The following ADAMTS15 variants were observed in gnomAD, a reference collection of about 807,000 sequenced individuals.
ADAMTS15 encodes A disintegrin and metalloproteinase with thrombospondin motifs 15.
Under a neutral mutation model 79.1 loss-of-function variants are expected in ADAMTS15, and 35 were observed. The observed-to-expected ratio is 0.44, with a 90% CI of 0.34 to 0.59. The LOEUF (loss-of-function observed/expected upper bound fraction) is 0.59. Among genes scored for constraint, ADAMTS15 ranks in the 20% least tolerant of loss-of-function variants. The pLI is 0.02. For synonymous variants in ADAMTS15, 616 were observed against 567.3 expected, an observed-to-expected ratio of 1.09 and a Z score of -1.22; for missense variants, 1,324 against 1,318.7, an observed-to-expected ratio of 1.00 and a Z score of -0.06.
At chr11:130,452,547 C>G (rs561299996) in intron 1 of ADAMTS15, among the ~76,000 whole-genome samples, 1 of 152,328 alleles carries the variant, frequency 6.6e-6, no homozygotes, top group East Asian at 1.9e-4. Flanking sequence ...GTCTTTAGGT[C>G]CAATAACGCT....
At chr11:130,467,297 A>G (rs1938321704) in intron 4 of ADAMTS15, among the ~76,000 whole-genome samples, 1 of 152,120 alleles carries the variant, frequency 6.6e-6, no homozygotes, top group Non-Finnish European at 1.5e-5. Context: ...GATGGGGACA[A>G]AACCCACAGT....
At position 130,449,350 on chromosome 11, in the gene ADAMTS15, C is replaced by A; in HGVS notation, c.377C>A (p.Ala126Asp). Residue 126 changes from alanine to aspartate, a missense_variant, in exon 1 of 8, where the codon GCC becomes GAC. Ala to Asp is a moderately radical substitution (Grantham distance 126). Coordinates refer to ENST00000299164, the MANE Select transcript of ADAMTS15 (RefSeq NM_139055.4). This position sits in a 1 kb window ranked among gnomAD's most constrained non-coding sequence, Gnocchi z 7.8. ...AGCCTGTGCGGGGGGCTCCGCGGAG[C>A]CTTTGGCTACCGAGGCGCCGAGTAT... ...AVSLCGGLRG[A>D]FGYRGAEYVI... The A allele has an allele frequency of 1.2e-6, 2 of 1,607,166 alleles. No individual in the cohort carries two copies. Among genetic ancestry groups the A allele is most frequent in the Non-Finnish European group, 8.5e-7 (1 of 1,179,986 alleles).
chr11:130,471,473 T>C lies in ADAMTS15; in HGVS notation c.2078+90T>C. ...ATTGGAAGCTTGGGTTAGACTGGGG[T>C]AAATGTCAGATCCAGCCAGTACCCT... On this transcript the variant is annotated intron_variant, in intron 7 of 7. Transcript: ENST00000299164. 2.7e-6 allele frequency: 4 copies of C among 1,458,958 alleles called. No individual in the cohort carries two copies. The South Asian group carries it at 5.4e-5, about 20-fold the overall frequency. The allele number at this position is 1,458,958 out of a possible 1,614,324, so 90.4% of individuals were successfully genotyped here.
At chr11:130,456,008 C>T (rs1457104132) in intron 1 of ADAMTS15, among the ~76,000 whole-genome samples, 2 of 152,188 alleles carry the variant, frequency 1.3e-5, no homozygotes, top group African/African-American at 2.4e-5. Flanking sequence ...TCAACCCTGC[C>T]GCTGTGCTGC....
chr11:130,468,052 A>T (rs538890087), intron 4 of ADAMTS15, among the ~76,000 whole-genome samples: 1 of 152,306 alleles, frequency 6.6e-6, no homozygotes, highest in South Asian at 2.1e-4. Context: ...GCCATGCCTT[A>T]GGGATGCCTG....
chr11:130,448,868 C>T lies in ADAMTS15; in HGVS notation c.-106C>T. ...CCTTTCTGGGAACTGCCGGCTGTCC[C>T]GTAGCGTTGGCGGTTCCAGAGTGCG... is the stretch of plus-strand genomic sequence containing the variant. On this transcript the variant is annotated 5_prime_UTR_variant, in exon 1 of 8. Coordinates refer to ENST00000299164, the MANE Select transcript of ADAMTS15 (RefSeq NM_139055.4). The T allele has an allele frequency of 1.2e-6, 1 of 851,638 alleles. No individual in the cohort carries two copies. The highest frequency in any genetic ancestry group is 1.6e-6 in the Non-Finnish European group (1 of 614,284). 52.8% of individuals were successfully genotyped at this position (851,638 alleles called of 1,614,324 possible).
chr11:130,471,034 C>T lies in ADAMTS15; in HGVS notation c.1835C>T (p.Pro612Leu), dbSNP rs1347386253. Residue 612 changes from proline to leucine, a missense_variant, in exon 6 of 8, where the codon CCC becomes CTC. Pro to Leu is a moderately conservative substitution (Grantham distance 98). Transcript: ENST00000299164. ...GTGCCCAAGTACTCCGGCGTGTCTCCCCGGGACAAGTGCAAGCTCATCTGC... is the reference window on the plus strand; with the variant it reads ...GTGCCCAAGTACTCCGGCGTGTCTCTCCGGGACAAGTGCAAGCTCATCTGC... ...AWVPKYSGVS[P>L]RDKCKLICRA... 1 of 1,613,858 alleles carries T rather than the reference C, an allele frequency of 6.2e-7. No individual in the cohort carries two copies. The highest frequency in any genetic ancestry group is 8.5e-7 in the Non-Finnish European group (1 of 1,180,030).
In ADAMTS15 at chr11:130,470,873, C is replaced by A. The variant is rs376620808; in HGVS notation, c.1721-47C>A. 6.3e-6 allele frequency: 10 copies of A among 1,583,502 alleles called. No homozygotes were observed. The Admixed American group carries it at 1.4e-4, about 22-fold the overall frequency. ...GAGGGAGGCTTGTCCTTTGCACCGG[C>A]CTTGTCCCTTCCCCTCAACTTCTTT... is the stretch of plus-strand genomic sequence containing the variant. On this transcript the variant is annotated intron_variant, in intron 5 of 7. Coordinates refer to ENST00000299164, the MANE Select transcript of ADAMTS15 (RefSeq NM_139055.4).
At chr11:130,463,185 CA>C (rs1938237578) in intron 4 of ADAMTS15, among the ~76,000 whole-genome samples, 1 of 152,226 alleles carries the variant, frequency 6.6e-6, no homozygotes, top group Non-Finnish European at 1.5e-5. Context: ...CAGTGTGTTC[CA>C]CACCCAGGGA....
chr11:130,473,137 C>T lies in ADAMTS15; in HGVS notation c.2169C>T (p.Asp723=). Residue 723 remains aspartate (D), a synonymous_variant, in exon 8 of 8, where the codon GAC becomes GAT. Coordinates refer to ENST00000299164, the MANE Select transcript of ADAMTS15 (RefSeq NM_139055.4). ...GTTACAAAGGGCTGATCGGGGATGA[C>T]AACTACCTGGCTCTGAAGAACAGCC... ...QRGYKGLIGD[D]NYLALKNSQG... is the part of the protein sequence containing the mutation. 2 of 1,614,114 alleles carry T rather than the reference C, an allele frequency of 1.2e-6. No homozygotes were observed. Among genetic ancestry groups the T allele is most frequent in the Non-Finnish European group, 1.7e-6 (2 of 1,180,040 alleles).
At chr11:130,459,560 A>G (rs904163731) in intron 1 of ADAMTS15, among the ~76,000 whole-genome samples, 1 of 152,172 alleles carries the variant, frequency 6.6e-6, no homozygotes, top group African/African-American at 2.4e-5. Flanking sequence ...ACGAAAGAAT[A>G]TGGGAAGAGA....
intron 4 of ADAMTS15, among the ~76,000 whole-genome samples, chr11:130,463,666 G>A (rs1352781432): frequency 6.6e-6 from 1 of 152,190 alleles, no homozygotes; most frequent in Non-Finnish European, 1.5e-5. Context: ...TATTTAAAAT[G>A]TTTTTCTGTG....
Position 130,469,358 on chromosome 11 carries a change from A to G in ADAMTS15, c.1639A>G (p.Thr547Ala). ...GGCCAGGAGGCAGTGCACCAACCCC[A>G]CCCCTGCCAACGGGGGCAAGTACTG... is the stretch of plus-strand genomic sequence containing the variant. ...QLARRQCTNP[T>A]PANGGKYCEG... Residue 547 changes from threonine to alanine, a missense_variant, in exon 5 of 8, where the codon ACC becomes GCC. By Grantham distance (58) the Thr-to-Ala change is moderately conservative (BLOSUM62 0). Coordinates refer to ENST00000299164, the MANE Select transcript of ADAMTS15 (RefSeq NM_139055.4). The G allele has an allele frequency of 7.4e-7, 1 of 1,355,854 alleles. No homozygotes were observed. The highest frequency in any genetic ancestry group is 9.6e-7 in the Non-Finnish European group (1 of 1,045,558). 84.0% of individuals were successfully genotyped at this position (1,355,854 alleles called of 1,614,324 possible).
chr11:130,470,770 T>G, intron 5 of ADAMTS15, 150 bp from the exon 6 acceptor site: 1 of 878,216 alleles, frequency 1.1e-6, no homozygotes, highest in East Asian at 2.5e-5. Flanking sequence ...CCCAGCCTGC[T>G]TTAGTGCTTT....
In ADAMTS15 at chr11:130,470,149, T is replaced by C. The variant is rs1287740945; in HGVS notation, c.1720+710T>C. Among the ~76,000 whole-genome samples, 427 of 59,628 alleles carry C rather than the reference T, an allele frequency of 7.2e-3. 4 individuals are homozygous for C. The highest frequency in any genetic ancestry group is 0.019 in the African/African-American group (199 of 10,292). The allele number at this position is 59,628 out of a possible 152,430, so 39.1% of individuals were successfully genotyped here. ...ATATATATACATATATATATATATA[T>C]ATGTGTATATATATATATATATATA... On this transcript the variant is annotated intron_variant, in intron 5 of 7. Coordinates refer to ENST00000299164, the MANE Select transcript of ADAMTS15 (RefSeq NM_139055.4).
intron 1 of ADAMTS15, among the ~76,000 whole-genome samples, chr11:130,458,789 A>G (rs531243632): frequency 1.6e-4 from 24 of 152,294 alleles, no homozygotes; most frequent in Non-Finnish European, 3.2e-4. Context: ...GCCCAGAGGC[A>G]AGGGTAGGTG....
chr11:130,466,913 G>A (rs1938312009), intron 4 of ADAMTS15, among the ~76,000 whole-genome samples: 1 of 152,086 alleles, frequency 6.6e-6, no homozygotes, highest in Admixed American at 6.6e-5. Flanking sequence ...TCAGGCACAA[G>A]AGGGGCCCCC....
chr11:130,457,267 T>G (rs908984532), intron 1 of ADAMTS15, among the ~76,000 whole-genome samples: 4 of 151,254 alleles, frequency 2.6e-5, no homozygotes, highest in East Asian at 3.9e-4. Context: ...TTGATTTTTG[T>G]GCATCCCTCT....
rs541949673 is a variant in ADAMTS15, at chr11:130,453,368, A to G, written c.957+3438A>G. Among the ~76,000 whole-genome samples, 9 of 120,834 alleles carry G rather than the reference A, an allele frequency of 7.4e-5. No homozygotes were observed. The South Asian group carries it at 2.0e-3, about 27-fold the overall frequency. 79.3% of individuals were successfully genotyped at this position (120,834 alleles called of 152,430 possible). On this transcript the variant is annotated intron_variant, in intron 1 of 7. Coordinates refer to ENST00000299164, the MANE Select transcript of ADAMTS15 (RefSeq NM_139055.4). ...TCTTTTTTTTTAGGACTTGTATTTT[A>G]TGGTTATTCTGTCTGCTTCTTCATT...
Sources: allele counts gnomAD v4.1 joint callset (sites outside exome capture counted in the v4.1 genomes callset), GRCh38; gene constraint gnomAD v4.1.1; non-coding constraint Gnocchi (gnomAD v3.1); transcripts MANE v1.5; gene names NCBI Gene and HGNC (gene_info 2026-07-23, HGNC 2026-07-21).